APPL2: variants seen among roughly 807,000 people sequenced by gnomAD.
The protein encoded by APPL2 is DCC-interacting protein 13-beta.
A neutral mutation model predicts 92.7 loss-of-function variants in APPL2; 84 were observed. That is an observed-to-expected ratio of 0.91 (90% confidence interval 0.76 to 1.09). The LOEUF is 1.09. APPL2 is among the 50% of genes least tolerant of loss of function. The probability of loss-of-function intolerance (pLI) is 0.00; values close to 1 mark genes in which losing one functional copy is unlikely to be tolerated. For missense variants in APPL2, 736 were observed against 824.5 expected (o/e 0.89, Z 1.31); for synonymous variants, 291 against 291.0 (o/e 1.00, Z 0.00).
At chr12:105,191,297 C>T (rs997882316) in intron 14 of APPL2, among the ~76,000 whole-genome samples, 1 of 152,148 alleles carries the variant, frequency 6.6e-6, no homozygotes, top group Non-Finnish European at 1.5e-5. Flanking sequence ...ACTCAGTTAC[C>T]TGGTGGGCGA....
intron 8 of APPL2, among the ~76,000 whole-genome samples, chr12:105,204,287 C>CTCTTT (rs2135994976): frequency 6.6e-6 from 1 of 152,276 alleles, no homozygotes; most frequent in African/African-American, 2.4e-5. Context: ...GAAAACGTTC[C>CTCTTT]GTGTGAGCAA....
intron 5 of APPL2, among the ~76,000 whole-genome samples, chr12:105,210,707 A>G (rs952369402): frequency 2.0e-5 from 3 of 152,236 alleles, no homozygotes; most frequent in Non-Finnish European, 2.9e-5. Flanking sequence ...TGGTAGTTCC[A>G]TAAGAGCAGT....
intron 1 of APPL2, among the ~76,000 whole-genome samples, chr12:105,235,555 G>A (rs954733321): frequency 6.6e-6 from 1 of 152,136 alleles, no homozygotes; most frequent in African/African-American, 2.4e-5. Flanking sequence ...ATTTCTCATT[G>A]ACTTCTCCTA....
At chr12:105,211,415 G>T in intron 4 of APPL2, 98 bp from the exon 5 acceptor site, 3 of 843,568 alleles carry the variant, frequency 3.6e-6, no homozygotes, top group East Asian at 2.7e-5. Context: ...CTTCCGTGTG[G>T]TCACAGAGCT....
rs1196785 is a variant in APPL2 at position 105,236,087 on chromosome 12, C to G, written c.-75G>C. On this transcript the variant is annotated 5_prime_UTR_variant, in exon 1 of 21. Transcript: ENST00000258530. The stretch of plus-strand genomic sequence containing the variant: ...AGACGCGGCGGCCGAGAGCACTCCC[C>G]GGCTCTGGGCTCAGGCGACGCGGCG... The G allele has an allele frequency of 0.58, 644,073 of 1,105,286 alleles. 189,280 individuals are homozygous for G. The highest frequency in any genetic ancestry group is 0.78 in the African/African-American group (47,894 of 61,066). 68.5% of individuals were successfully genotyped at this position (1,105,286 alleles called of 1,614,324 possible).
At chr12:105,226,149 A>G (rs1018738321) in intron 2 of APPL2, among the ~76,000 whole-genome samples, 1 of 152,232 alleles carries the variant, frequency 6.6e-6, no homozygotes, top group Non-Finnish European at 1.5e-5. Flanking sequence ...GAAATATACT[A>G]TCTTAAAATA....
Position 105,219,260 on chromosome 12 carries a change from G to A in APPL2, c.154-1535C>T, listed in dbSNP as rs568534984. Among the ~76,000 whole-genome samples the A allele has an allele frequency of 2.3e-4, 35 of 152,206 alleles. 1 individual carries two copies. The highest frequency in any genetic ancestry group is 6.8e-3 in the Middle Eastern group (2 of 294). ...GTCCTACCTTTTTTTGACCCTCTTCGCAGACAACTGGCCAACCTGTTCCCT... is the reference window on the plus strand; with the variant it reads ...GTCCTACCTTTTTTTGACCCTCTTCACAGACAACTGGCCAACCTGTTCCCT... On this transcript the variant is annotated intron_variant, in intron 2 of 20. Coordinates refer to ENST00000258530, the MANE Select transcript of APPL2 (RefSeq NM_018171.5).
intron 2 of APPL2, among the ~76,000 whole-genome samples, chr12:105,219,170 C>G (rs1464857656): frequency 6.6e-6 from 1 of 152,206 alleles, no homozygotes; most frequent in Non-Finnish European, 1.5e-5. Flanking sequence ...AAGGCTAAGT[C>G]CTGAGCTCTG....
chr12:105,185,619 G>A (rs1886534990), intron 17 of APPL2, among the ~76,000 whole-genome samples: 1 of 152,000 alleles, frequency 6.6e-6, no homozygotes, highest in African/African-American at 2.4e-5. Context: ...GGGTACCGCA[G>A]TTGGAAATGC....
At chr12:105,189,231 G>C (rs975401423) in intron 16 of APPL2, among the ~76,000 whole-genome samples, 67 of 152,134 alleles carry the variant, frequency 4.4e-4, no homozygotes, top group African/African-American at 1.5e-3. Context: ...GGTTCTCACT[G>C]TGTTGCCCAT....
chr12:105,234,998 C>T (rs1234315334), intron 1 of APPL2, among the ~76,000 whole-genome samples: 3 of 152,120 alleles, frequency 2.0e-5, no homozygotes, highest in African/African-American at 7.2e-5. Flanking sequence ...CAAGGATCAT[C>T]CTGGGAAGTA....
At chr12:105,190,262 T>C (rs568041214) in intron 14 of APPL2, 107 bp from the exon 15 acceptor site, 266 of 1,195,306 alleles carry the variant, frequency 2.2e-4, no homozygotes, top group Non-Finnish European at 2.4e-4. Flanking sequence ...AGGGGAAAGA[T>C]TGACCTCAAT....
chr12:105,197,372 T>C (rs555709399), intron 11 of APPL2, among the ~76,000 whole-genome samples: 2 of 152,224 alleles, frequency 1.3e-5, no homozygotes, highest in Admixed American at 1.3e-4. Context: ...CTCAGGAAGG[T>C]CGTCCTTACC....
chr12:105,196,740 C>T (rs568995560), intron 11 of APPL2, among the ~76,000 whole-genome samples: 3 of 152,170 alleles, frequency 2.0e-5, no homozygotes, highest in Admixed American at 6.5e-5. Context: ...TGTACCCAGC[C>T]GAGGCTTTAA....
chr12:105,207,566 T>A (rs1162560843), intron 7 of APPL2, among the ~76,000 whole-genome samples: 2 of 152,214 alleles, frequency 1.3e-5, no homozygotes, highest in Non-Finnish European at 2.9e-5. Flanking sequence ...AAGGAAATCA[T>A]GTAACAGAAG....
chr12:105,190,157 T>G lies in APPL2; in HGVS notation c.1242-2A>C. 1 of 1,612,418 alleles carries G rather than the reference T, an allele frequency of 6.2e-7. No homozygotes were observed. The highest frequency in any genetic ancestry group is 8.5e-7 in the Non-Finnish European group (1 of 1,179,498). On this transcript the variant is annotated splice_acceptor_variant, in intron 14 of 20. Coordinates refer to ENST00000258530, the MANE Select transcript of APPL2 (RefSeq NM_018171.5). LOFTEE classifies it high-confidence loss of function. ...ATCTCTGAATTTTTCAGGTTCTGGC[T>G]GAAGGGGAAAAAAATCAATTCCCTT...
At chr12:105,176,391 T>A (rs1885547538) in intron 19 of APPL2, 1 of 501,046 alleles carries the variant, frequency 2.0e-6, no homozygotes, top group Non-Finnish European at 3.4e-6. Context: ...GATATGTCCA[T>A]ATACACAGTG....
chr12:105,194,030 C>T (rs777011023), intron 14 of APPL2, among the ~76,000 whole-genome samples: 4 of 152,190 alleles, frequency 2.6e-5, no homozygotes, highest in African/African-American at 9.7e-5. Flanking sequence ...GGCATGTGAA[C>T]GCTGGCTCCA....
chr12:105,213,632 C>T (rs1347486483), intron 4 of APPL2, among the ~76,000 whole-genome samples: 2 of 152,198 alleles, frequency 1.3e-5, no homozygotes, highest in African/African-American at 4.8e-5. Context: ...GATCTCATTC[C>T]AACGCATTCT....
Sources: gnomAD v4.1 joint callset for allele counts (sites outside exome capture counted in the v4.1 genomes callset) on GRCh38, gnomAD v4.1.1 for gene constraint, MANE v1.5 for transcripts, NCBI Gene and HGNC (gene_info 2026-07-23, HGNC 2026-07-21) for gene names.